FCHSD2: variants seen among roughly 807,000 people sequenced by gnomAD.
FCHSD2 encodes the protein FCH and double SH3 domains 2.
Under a neutral mutation model 108.1 loss-of-function variants are expected in FCHSD2, and 38 were observed. The ratio of observed to expected loss-of-function variants is 0.35; its 90% confidence interval spans 0.27 to 0.46. The LOEUF is 0.46. Ranked by LOEUF, FCHSD2 falls within the 20% of genes least tolerant of loss-of-function variation. The probability of loss-of-function intolerance (pLI) is 1.00; values close to 1 mark genes in which losing one functional copy is unlikely to be tolerated. For synonymous variants in FCHSD2, 279 were observed against 314.7 expected (o/e 0.89, Z 1.20); for missense variants, 751 against 897.8 (o/e 0.84, Z 2.09).
chr11:72,850,015 C>T, intron 13 of FCHSD2, 126 bp from the exon 14 acceptor site: 2 of 567,068 alleles, frequency 3.5e-6, no homozygotes, highest in Non-Finnish European at 6.1e-6. Context: ...ATAGAAATGA[C>T]TATCTTTCGC....
intron 2 of FCHSD2, among the ~76,000 whole-genome samples, chr11:73,128,790 G>C (rs1212944561): frequency 6.6e-6 from 1 of 152,166 alleles, no homozygotes; most frequent in African/African-American, 2.4e-5. Flanking sequence ...AGCATCACTG[G>C]AGCAGTTTAT....
intron 14 of FCHSD2, among the ~76,000 whole-genome samples, chr11:72,847,697 T>TTC (rs1199238938): frequency 6.7e-6 from 1 of 149,036 alleles, no homozygotes; most frequent in Non-Finnish European, 1.5e-5. Context: ...AACCTTTTTT[T>TTC]TTTTTTTTTT....
intron 6 of FCHSD2, among the ~76,000 whole-genome samples, chr11:72,986,723 C>T (rs1373613449): frequency 1.3e-5 from 2 of 152,078 alleles, no homozygotes; most frequent in Non-Finnish European, 2.9e-5. Context: ...GCTTTATTTC[C>T]TAATCCTAAT....
chr11:73,137,610 G>A (rs535638082), intron 2 of FCHSD2, among the ~76,000 whole-genome samples: 1 of 152,304 alleles, frequency 6.6e-6, no homozygotes, highest in East Asian at 1.9e-4. Flanking sequence ...TCTGAGGGAG[G>A]ATGCCAGAAC....
intron 13 of FCHSD2, among the ~76,000 whole-genome samples, chr11:72,856,807 C>T (rs1181837928): frequency 6.6e-6 from 1 of 152,132 alleles, no homozygotes; most frequent in African/African-American, 2.4e-5. Flanking sequence ...TGTTTTCCAA[C>T]AGGGCATTGT....
rs567953165 is a variant in FCHSD2, at chr11:73,043,391, G to C, written c.166-27506C>G. ...TCCACTTTTCTGGGCAACCTGTCAA[G>C]TAATGTATAATTTAAATTTTCTATT... is the stretch of plus-strand genomic sequence containing the variant. On this transcript the variant is annotated intron_variant, in intron 3 of 19. Coordinates refer to ENST00000409418, the MANE Select transcript of FCHSD2 (RefSeq NM_014824.3). Among the ~76,000 whole-genome samples, 16 of 152,260 alleles carry C rather than the reference G, an allele frequency of 1.1e-4. No individual in the cohort carries two copies. The South Asian group carries it at 3.3e-3, about 32-fold the overall frequency.
chr11:73,140,990 T>C (rs143436453), intron 1 of FCHSD2, among the ~76,000 whole-genome samples: 2 of 152,294 alleles, frequency 1.3e-5, no homozygotes, highest in East Asian at 1.9e-4. Context: ...ACGGGTGAGT[T>C]AGGCGTTAGG....
In FCHSD2 at chr11:72,902,644, G is replaced by C; in HGVS notation, c.829-6C>G. Reference sequence around the variant, plus strand: ...AGATTGTAGTCCCGGACCACCTAAAGAGAAAATAAAATATCTTTAGGTCTT... The same window carrying C: ...AGATTGTAGTCCCGGACCACCTAAACAGAAAATAAAATATCTTTAGGTCTT... On this transcript the variant is annotated splice_region_variant and splice_polypyrimidine_tract_variant and intron_variant, in intron 9 of 19. Coordinates refer to ENST00000409418, the MANE Select transcript of FCHSD2 (RefSeq NM_014824.3). 1.3e-6 allele frequency: 2 copies of C among 1,548,992 alleles called. No homozygotes were observed. The highest frequency in any genetic ancestry group is 1.8e-6 in the Non-Finnish European group (2 of 1,142,540).
intron 4 of FCHSD2, among the ~76,000 whole-genome samples, chr11:73,004,333 C>T (rs1376662711): frequency 6.6e-6 from 1 of 152,086 alleles, no homozygotes; most frequent in Non-Finnish European, 1.5e-5. Context: ...GGAAATAGCA[C>T]CTCCATGGTC....
chr11:73,038,830 C>T (rs1591503825), intron 3 of FCHSD2, among the ~76,000 whole-genome samples: 2 of 152,032 alleles, frequency 1.3e-5, no homozygotes, highest in East Asian at 3.8e-4. Flanking sequence ...CATGTATTCC[C>T]CTGATTCTAA....
chr11:72,956,824 GAAAA>G (rs57304246), intron 8 of FCHSD2, among the ~76,000 whole-genome samples: 1 of 143,544 alleles, frequency 7.0e-6, no homozygotes, highest in Admixed American at 6.9e-5. Flanking sequence ...TTTCATAGTG[GAAAA>G]AAAAAAAAAA....
intron 3 of FCHSD2, among the ~76,000 whole-genome samples, chr11:73,016,093 AG>A (rs1448669638): frequency 6.6e-6 from 1 of 152,186 alleles, no homozygotes; most frequent in East Asian, 1.9e-4. Context: ...ACTTGAGGTC[AG>A]GAGTTTGAGA....
At position 72,979,566 on chromosome 11, in the gene FCHSD2, G is replaced by A. The variant is rs962411603; in HGVS notation, c.705+4522C>T. Among the ~76,000 whole-genome samples, 5 of 152,136 alleles carry A rather than the reference G, an allele frequency of 3.3e-5. No individual in the cohort carries two copies. The East Asian group carries it at 7.7e-4, about 23-fold the overall frequency. On this transcript the variant is annotated intron_variant, in intron 8 of 19. Transcript: ENST00000409418. ...GCTTTGGATTCTCAATACTTACACAGTAAAGAAGAAAACAATGAGGTATGG... is the reference window on the plus strand; with the variant it reads ...GCTTTGGATTCTCAATACTTACACAATAAAGAAGAAAACAATGAGGTATGG...
At chr11:72,911,695 C>CT (rs748233824) in intron 9 of FCHSD2, among the ~76,000 whole-genome samples, 9 of 151,580 alleles carry the variant, frequency 5.9e-5, no homozygotes, top group Non-Finnish European at 1.0e-4. Flanking sequence ...TATTATTATA[C>CT]TTTAAGTTTT....
intron 8 of FCHSD2, among the ~76,000 whole-genome samples, chr11:72,924,504 G>C (rs909867663): frequency 4.7e-5 from 7 of 149,514 alleles, no homozygotes; most frequent in Middle Eastern, 3.4e-3. Context: ...GGATGGTCTC[G>C]ATCTCCTGAT....
intron 12 of FCHSD2, among the ~76,000 whole-genome samples, chr11:72,881,810 T>C (rs1232468198): frequency 6.6e-6 from 1 of 152,210 alleles, no homozygotes; most frequent in East Asian, 1.9e-4. Context: ...TTCTCACTCA[T>C]GTGTGGGAGC....
In FCHSD2 at chr11:73,111,305, A is replaced by G. The variant is rs148631389; in HGVS notation, c.120-27565T>C. ...ATATCTGGGTGCTCCAGTATTGGGT[A>G]CATATATATTTACAACTGTTATATC... On this transcript the variant is annotated intron_variant, in intron 2 of 19. Coordinates refer to ENST00000409418, the MANE Select transcript of FCHSD2 (RefSeq NM_014824.3). Among the ~76,000 whole-genome samples, 528 of 152,268 alleles carry G rather than the reference A, an allele frequency of 3.5e-3. 1 individual carries two copies. Among genetic ancestry groups the G allele is most frequent in the African/African-American group, 0.012 (506 of 41,560 alleles).
chr11:72,999,286 T>A (rs1184848489), intron 5 of FCHSD2, among the ~76,000 whole-genome samples: 2 of 151,430 alleles, frequency 1.3e-5, no homozygotes, highest in African/African-American at 2.4e-5. Flanking sequence ...TTCACAGACA[T>A]GAGCATTTGT....
intron 8 of FCHSD2, among the ~76,000 whole-genome samples, chr11:72,982,718 C>A (rs1462916817): frequency 6.6e-6 from 1 of 152,158 alleles, no homozygotes; most frequent in Non-Finnish European, 1.5e-5. Context: ...CAGAGTAATA[C>A]CCAGAGGACA....
Sources: allele counts gnomAD v4.1 joint callset (sites outside exome capture counted in the v4.1 genomes callset), GRCh38; gene constraint gnomAD v4.1.1; transcripts MANE v1.5; gene names NCBI Gene and HGNC (gene_info 2026-07-23, HGNC 2026-07-21).